SGCD: variants seen among roughly 807,000 people sequenced by gnomAD.
SGCD encodes the protein delta-sarcoglycan.
A neutral mutation model predicts 36.6 loss-of-function variants in SGCD; 18 were observed. The observed-to-expected ratio is 0.49, with a 90% CI of 0.34 to 0.73. SGCD has a LOEUF of 0.73. Ranked by LOEUF, SGCD falls within the 30% of genes least tolerant of loss-of-function variation. The pLI is 0.01. For missense variants in SGCD, 387 were observed against 346.7 expected (o/e 1.12, Z -0.92); for synonymous variants, 133 against 130.6 (o/e 1.02, Z -0.12).
At chr5:156,338,003 G>A (rs1768446728) in intron 2 of SGCD, among the ~76,000 whole-genome samples, 1 of 152,104 alleles carries the variant, frequency 6.6e-6, no homozygotes, top group Non-Finnish European at 1.5e-5. Context: ...GCCTAGTGGG[G>A]AGCAGAGTCA....
At chr5:156,040,608 T>C (rs1489947178) in intron 1 of SGCD, among the ~76,000 whole-genome samples, 1 of 152,174 alleles carries the variant, frequency 6.6e-6, no homozygotes, top group Non-Finnish European at 1.5e-5. Context: ...GCCACCACTT[T>C]CCACTCTTCT....
At position 155,957,698 on chromosome 5, in the gene SGCD, G is replaced by T. The variant is rs923576097; in HGVS notation, c.-282+87274G>T. Among the ~76,000 whole-genome samples the T allele has an allele frequency of 7.2e-5, 11 of 152,056 alleles. No homozygotes were observed. The South Asian group carries it at 1.5e-3, about 20-fold the overall frequency. On this transcript the variant is annotated intron_variant, in intron 1 of 9. Coordinates refer to the SGCD transcript ENST00000517913. ...CCATCTTGCACACCTAAGGACCCTT[G>T]TGATTACATTGGGCCCATGTAGATA...
At chr5:156,698,990 C>T (rs1401522839) in intron 7 of SGCD, among the ~76,000 whole-genome samples, 4 of 152,154 alleles carry the variant, frequency 2.6e-5, no homozygotes, top group African/African-American at 4.8e-5. Flanking sequence ...ATGACATTTG[C>T]AGACAGAGGT....
intron 3 of SGCD, among the ~76,000 whole-genome samples, chr5:156,403,628 C>T (rs1428571529): frequency 6.6e-6 from 1 of 152,114 alleles, no homozygotes; most frequent in East Asian, 1.9e-4. Flanking sequence ...TCTTTGTGTG[C>T]ACATCTAGAA....
intron 7 of SGCD, among the ~76,000 whole-genome samples, chr5:156,662,935 G>T (rs547303705): frequency 6.7e-6 from 1 of 149,874 alleles, no homozygotes; most frequent in African/African-American, 2.5e-5. Context: ...CAAGTTAGTG[G>T]TATGGGTTTA....
At chr5:156,164,017 T>C in intron 3 of SGCD, among the ~76,000 whole-genome samples, 1 of 142,128 alleles carries the variant, frequency 7.0e-6, no homozygotes, top group Non-Finnish European at 1.5e-5. Context: ...AGCGAGACTC[T>C]GTCTCAAAAA....
intron 3 of SGCD, among the ~76,000 whole-genome samples, chr5:156,188,884 C>T (rs1355577648): frequency 6.6e-6 from 1 of 152,186 alleles, no homozygotes; most frequent in East Asian, 1.9e-4. Context: ...ATTCCCTCAA[C>T]AGAATTCCTC....
chr5:156,319,933 T>G (rs1312972054), intron 3 of SGCD, among the ~76,000 whole-genome samples: 1 of 152,256 alleles, frequency 6.6e-6, no homozygotes, highest in African/African-American at 2.4e-5. Context: ...GCAATGTTCA[T>G]TATTAGTGAA....
At chr5:156,589,541 G>GA (rs201968001) in intron 5 of SGCD, among the ~76,000 whole-genome samples, 5 of 152,122 alleles carry the variant, frequency 3.3e-5, no homozygotes, top group African/African-American at 2.4e-5. Flanking sequence ...AGTGGGGTAA[G>GA]AAAAAAAATT....
intron 1 of SGCD, among the ~76,000 whole-genome samples, chr5:156,100,253 C>T (rs1761489617): frequency 6.6e-6 from 1 of 151,668 alleles, no homozygotes; most frequent in South Asian, 2.1e-4. Context: ...GTTTAATACC[C>T]TCAAGAAGCT....
chr5:156,078,543 T>A (rs1306629622), intron 1 of SGCD, among the ~76,000 whole-genome samples: 1 of 136,814 alleles, frequency 7.3e-6, no homozygotes, highest in African/African-American at 2.8e-5. Flanking sequence ...ATATATTTAT[T>A]TATATATATA....
the SGCD span, among the ~76,000 whole-genome samples, chr5:155,763,895 C>T: frequency 4.6e-5 from 7 of 150,964 alleles, no homozygotes; most frequent in African/African-American, 1.5e-4. Context: ...TTCTCCTGTG[C>T]TATACATGTA....
intron 1 of SGCD, among the ~76,000 whole-genome samples, chr5:156,014,806 G>A (rs1348502722): frequency 1.3e-5 from 2 of 152,150 alleles, no homozygotes; most frequent in Non-Finnish European, 1.5e-5. Flanking sequence ...TATCTTTCAT[G>A]CTATGACGTT....
chr5:156,016,240 C>G (rs1028801695), intron 1 of SGCD, among the ~76,000 whole-genome samples: 1 of 152,058 alleles, frequency 6.6e-6, no homozygotes, highest in Admixed American at 6.5e-5. Context: ...GATTTCATTT[C>G]AATTTTTTTT....
At chr5:155,964,947 G>A (rs777898506) in intron 1 of SGCD, among the ~76,000 whole-genome samples, 1 of 152,122 alleles carries the variant, frequency 6.6e-6, no homozygotes, top group Non-Finnish European at 1.5e-5. Context: ...ACTCCTGGGT[G>A]CCAGGATATT....
At chr5:155,933,959 A>G (rs573142852) in intron 1 of SGCD, among the ~76,000 whole-genome samples, 5 of 152,378 alleles carry the variant, frequency 3.3e-5, no homozygotes, top group Admixed American at 3.3e-4. Flanking sequence ...AAGAATGGAA[A>G]TGAAACCATG....
intron 3 of SGCD, among the ~76,000 whole-genome samples, chr5:156,413,485 C>T (rs1267238386): frequency 2.6e-5 from 4 of 152,092 alleles, no homozygotes; most frequent in African/African-American, 9.7e-5. Flanking sequence ...CAGTTGAAAC[C>T]TTGAACTTTG....
intron 3 of SGCD, among the ~76,000 whole-genome samples, chr5:156,320,313 C>T (rs1767624781): frequency 6.6e-6 from 1 of 152,120 alleles, no homozygotes; most frequent in South Asian, 2.1e-4. Flanking sequence ...ATTTTTTAAG[C>T]ACAGGTCTTA....
At chr5:156,413,529 T>A (rs923963676) in intron 3 of SGCD, among the ~76,000 whole-genome samples, 2 of 152,172 alleles carry the variant, frequency 1.3e-5, no homozygotes, top group African/African-American at 4.8e-5. Flanking sequence ...CAGGCTGGAG[T>A]GCAGTGGCAA....
Sources: allele counts gnomAD v4.1 joint callset (sites outside exome capture counted in the v4.1 genomes callset), GRCh38; gene constraint gnomAD v4.1.1; transcripts MANE v1.5; gene names NCBI Gene and HGNC (gene_info 2026-07-23, HGNC 2026-07-21).